Variants in DLC1 observed in about 807,000 individuals in gnomAD.
DLC1 encodes the protein DLC1 Rho GTPase activating protein, also known as rho GTPase-activating protein 7.
DLC1 carries 54 observed loss-of-function variants against 140.3 expected under a neutral mutation model. The observed-to-expected ratio is 0.38, with a 90% CI of 0.31 to 0.48. The LOEUF (loss-of-function observed/expected upper bound fraction) is 0.48, where lower values mean the gene tolerates loss of function less well. Ranked by LOEUF, DLC1 falls within the 20% of genes least tolerant of loss-of-function variation. The pLI, the probability that DLC1 is intolerant of heterozygous loss-of-function variation, is 0.96. For synonymous variants in DLC1, 986 were observed against 728.1 expected (o/e 1.35, Z -5.70); for missense variants, 2,536 against 1,907.0 (o/e 1.33, Z -6.14).
At chr8:13,505,386 T>C (rs1461071672) in intron 1 of DLC1, among the ~76,000 whole-genome samples, 4 of 152,122 alleles carry the variant, frequency 2.6e-5, no homozygotes, top group Non-Finnish European at 5.9e-5. Context: ...TGTTTAGAAA[T>C]ACAGAGTTAA....
chr8:13,451,714 C>G (rs113769976), intron 2 of DLC1, among the ~76,000 whole-genome samples: 1 of 152,150 alleles, frequency 6.6e-6, no homozygotes, highest in Non-Finnish European at 1.5e-5. Context: ...TTTTAAATGG[C>G]TGAATAGTAC....
At chr8:13,575,834 A>T (rs1228221989) in intron 1 of DLC1, among the ~76,000 whole-genome samples, 1 of 152,174 alleles carries the variant, frequency 6.6e-6, no homozygotes. Flanking sequence ...CAATATCTGG[A>T]ATTCTGAAGG....
At chr8:13,261,914 T>C (rs549891124) in intron 5 of DLC1, among the ~76,000 whole-genome samples, 1 of 152,320 alleles carries the variant, frequency 6.6e-6, no homozygotes, top group Admixed American at 6.5e-5. Flanking sequence ...TATTAAGCAT[T>C]AAATAATAAT....
At chr8:13,089,682 C>T (rs371346125) in intron 15 of DLC1, among the ~76,000 whole-genome samples, 14 of 152,204 alleles carry the variant, frequency 9.2e-5, no homozygotes, top group South Asian at 4.2e-4. Flanking sequence ...TTTCCAAAGC[C>T]GGCAAGGCCA....
At chr8:13,349,532 C>T (rs1834537223) in intron 4 of DLC1, among the ~76,000 whole-genome samples, 1 of 152,206 alleles carries the variant, frequency 6.6e-6, no homozygotes, top group African/African-American at 2.4e-5. Flanking sequence ...GGGTCTCAAC[C>T]AGATCACCAG....
chr8:13,305,669 T>G (rs1832389038), intron 4 of DLC1, among the ~76,000 whole-genome samples: 1 of 152,112 alleles, frequency 6.6e-6, no homozygotes, highest in South Asian at 2.1e-4. Context: ...AAACCCCATC[T>G]CTACAAAAAA....
At chr8:13,452,791 C>T (rs1799129536) in intron 2 of DLC1, among the ~76,000 whole-genome samples, 1 of 152,154 alleles carries the variant, frequency 6.6e-6, no homozygotes, top group African/African-American at 2.4e-5. Flanking sequence ...TACAATCATA[C>T]ACGCTTGGTC....
chr8:13,450,420 A>G (rs925665864), intron 2 of DLC1, among the ~76,000 whole-genome samples: 2 of 134,440 alleles, frequency 1.5e-5, no homozygotes, highest in African/African-American at 5.7e-5. Flanking sequence ...GTGCCACTGC[A>G]CTCCAGCCTG....
chr8:13,451,341 C>G lies in DLC1; in HGVS notation c.1023+47708G>C, dbSNP rs143160193. 2.6e-3 allele frequency among the ~76,000 whole-genome samples: 403 copies of G among 152,170 alleles called. 2 individuals are homozygous for G. Among genetic ancestry groups the G allele is most frequent in the African/African-American group, 8.9e-3 (370 of 41,516 alleles). On this transcript the variant is annotated intron_variant, in intron 2 of 17. Coordinates refer to ENST00000276297, the MANE Select transcript of DLC1 (RefSeq NM_182643.3). ...CATACTGGAAAATTGGGCGTCCATTCCCTCACGCATCTACCCTTTGTGTAA... is the reference window on the plus strand; with the variant it reads ...CATACTGGAAAATTGGGCGTCCATTGCCTCACGCATCTACCCTTTGTGTAA...
chr8:13,283,883 T>A (rs554022155), intron 5 of DLC1, among the ~76,000 whole-genome samples: 1 of 152,166 alleles, frequency 6.6e-6, no homozygotes, highest in South Asian at 2.1e-4. Flanking sequence ...TAGGACAGAG[T>A]ATCAAAGAAG....
chr8:13,379,107 G>C lies in DLC1; in HGVS notation c.1314+14446C>G, dbSNP rs183870274. ...TTTGGTTAGAAAAATTGCATTTAGT[G>C]TTCCAGTATTTCTGAAATGTCAAGA... On this transcript the variant is annotated intron_variant, in intron 4 of 17. Coordinates refer to ENST00000276297, the MANE Select transcript of DLC1 (RefSeq NM_182643.3). Among the ~76,000 whole-genome samples the C allele has an allele frequency of 3.9e-4, 59 of 152,226 alleles. 1 individual carries two copies. In the Middle Eastern group the frequency reaches 0.024, roughly 61 times the overall value.
At chr8:13,260,986 T>C (rs1296060123) in intron 5 of DLC1, among the ~76,000 whole-genome samples, 1 of 152,248 alleles carries the variant, frequency 6.6e-6, no homozygotes, top group Non-Finnish European at 1.5e-5. Flanking sequence ...GTATGCCTTT[T>C]GGTTTATATA....
intron 1 of DLC1, among the ~76,000 whole-genome samples, chr8:13,571,317 A>AT (rs1185124599): frequency 2.6e-5 from 4 of 152,118 alleles, no homozygotes; most frequent in South Asian, 2.1e-4. Context: ...TGTTTTCAGA[A>AT]TTTTTTATCA....
At chr8:13,259,062 G>A (rs753939479) in intron 5 of DLC1, among the ~76,000 whole-genome samples, 2 of 148,214 alleles carry the variant, frequency 1.3e-5, no homozygotes, top group Non-Finnish European at 3.0e-5. Context: ...GCGTGAACCC[G>A]GGAGGCGGAG....
intron 2 of DLC1, among the ~76,000 whole-genome samples, chr8:13,496,704 C>T (rs1309516637): frequency 2.7e-5 from 4 of 150,310 alleles, no homozygotes; most frequent in East Asian, 2.0e-4. Flanking sequence ...AGTTAGTGTG[C>T]TTGGATCTGA....
At chr8:13,469,340 C>A (rs1478730367) in intron 2 of DLC1, among the ~76,000 whole-genome samples, 29 of 152,116 alleles carry the variant, frequency 1.9e-4, no homozygotes, top group Admixed American at 1.9e-3. Context: ...ACATTAGTGA[C>A]TGTTCCAAAA....
chr8:13,511,404 T>A (rs1802359411), intron 1 of DLC1, among the ~76,000 whole-genome samples: 1 of 152,098 alleles, frequency 6.6e-6, no homozygotes, highest in Non-Finnish European at 1.5e-5. Flanking sequence ...AAATTAACAA[T>A]CTTTTTTAAC....
chr8:13,330,240 C>T (rs1389178164), intron 4 of DLC1, among the ~76,000 whole-genome samples: 1 of 152,196 alleles, frequency 6.6e-6, no homozygotes, highest in African/African-American at 2.4e-5. Flanking sequence ...GAATAAACCA[C>T]CGCACCCAGC....
intron 2 of DLC1, among the ~76,000 whole-genome samples, chr8:13,404,952 A>T (rs1005142515): frequency 6.6e-6 from 1 of 152,122 alleles, no homozygotes; most frequent in African/African-American, 2.4e-5. Flanking sequence ...GGCAGCAGTG[A>T]GCCAAGATCG....
Sources: allele counts gnomAD v4.1 joint callset (sites outside exome capture counted in the v4.1 genomes callset), GRCh38; gene constraint gnomAD v4.1.1; transcripts MANE v1.5; gene names NCBI Gene and HGNC (gene_info 2026-07-23, HGNC 2026-07-21).